SLC38A1: variants seen among roughly 807,000 people sequenced by gnomAD.
SLC38A1 encodes the protein sodium-coupled neutral amino acid symporter 1.
SLC38A1 carries 18 observed loss-of-function variants against 60.3 expected under a neutral mutation model. That is an observed-to-expected ratio of 0.30 (90% CI 0.21 to 0.44). The LOEUF (loss-of-function observed/expected upper bound fraction) is 0.44. Ranked by LOEUF, SLC38A1 falls within the 20% of genes least tolerant of loss-of-function variation. The pLI, the probability that SLC38A1 is intolerant of heterozygous loss-of-function variation, is 1.00. For synonymous variants in SLC38A1, 196 were observed against 212.1 expected, an observed-to-expected ratio of 0.92 and a Z score of 0.66; for missense variants, 448 against 587.2, an observed-to-expected ratio of 0.76 and a Z score of 2.45.
Position 46,268,788 on chromosome 12 carries a change from T to C in SLC38A1, c.-471A>G, listed in dbSNP as rs868305729. The stretch of plus-strand genomic sequence containing the variant: ...GTCCGCGCTCGCCTGGCTCTCCTCC[T>C]TTCCGGGCCGATTGCATCAGAATCT... On this transcript the variant is annotated 5_prime_UTR_variant, in exon 1 of 17. Transcript: ENST00000398637. This position sits in a 1 kb window ranked among gnomAD's most constrained non-coding sequence, Gnocchi z 4.4. 3.8e-5 allele frequency: 15 copies of C among 394,102 alleles called. No homozygotes were observed. The Middle Eastern group carries it at 1.4e-3, about 38-fold the overall frequency. 24.4% of individuals were successfully genotyped at this position (394,102 alleles called of 1,614,324 possible).
At chr12:46,203,957 C>T (rs1939775646) in intron 11 of SLC38A1, among the ~76,000 whole-genome samples, 1 of 152,068 alleles carries the variant, frequency 6.6e-6, no homozygotes, top group South Asian at 2.1e-4. Flanking sequence ...AACTGTGCAA[C>T]CTGAGGAAGT....
Position 46,197,805 on chromosome 12 carries a change from G to C in SLC38A1, c.1277C>G (p.Ala426Gly). Residue 426 changes from alanine (A) to glycine (G), a missense_variant, in exon 16 of 17, where the codon GCT (alanine) becomes GGT (glycine). By Grantham distance (60) the Ala-to-Gly change is moderately conservative. Around this residue, in one of 2 missense-constraint regions of SLC38A1, gnomAD observed 346 missense variants for 497.5 expected, o/e 0.70. Coordinates refer to ENST00000398637, the MANE Select transcript of SLC38A1 (RefSeq NM_030674.4). ...DIFGVVGVTSANMLIFILPSS... is the reference protein window; with the variant it reads ...DIFGVVGVTSGNMLIFILPSS... ...AGGAAGAATGAAAATAAGCATGTTAGCAGATGTAACTCCTGTAAAATAAGA... is the reference window on the plus strand; with the variant it reads ...AGGAAGAATGAAAATAAGCATGTTACCAGATGTAACTCCTGTAAAATAAGA... The C allele has an allele frequency of 6.2e-7, 1 of 1,601,644 alleles. No individual in the cohort carries two copies. Among genetic ancestry groups the C allele is most frequent in the Non-Finnish European group, 8.5e-7 (1 of 1,175,794 alleles).
intron 1 of SLC38A1, among the ~76,000 whole-genome samples, chr12:46,252,926 G>T (rs1269563400): frequency 1.3e-5 from 2 of 149,224 alleles, no homozygotes; most frequent in Non-Finnish European, 3.0e-5. Flanking sequence ...GGACATAATG[G>T]TAAGTAAAAC....
In SLC38A1 at chr12:46,186,526, G is replaced by A. The variant is rs1270917782; in HGVS notation, c.*2444C>T. The A allele has an allele frequency of 3.9e-5, 6 of 152,168 alleles. No individual in the cohort carries two copies. The highest frequency in any genetic ancestry group is 3.3e-4 in the Admixed American group (5 of 15,272). 9.4% of individuals were successfully genotyped at this position (152,168 alleles called of 1,614,324 possible). ...AATTAACTATTCTGAATAAGAATAA[G>A]AGCAGTATACTTTACAGCTAATCTC... On this transcript the variant is annotated 3_prime_UTR_variant, in exon 17 of 17. Transcript: ENST00000398637.
intron 1 of SLC38A1, among the ~76,000 whole-genome samples, chr12:46,246,313 T>C (rs1466702848): frequency 6.6e-6 from 1 of 152,162 alleles, no homozygotes; most frequent in Non-Finnish European, 1.5e-5. Flanking sequence ...AAATACTGCG[T>C]TTTTCCAAAG....
chr12:46,212,048 G>T (rs534458338), intron 5 of SLC38A1, among the ~76,000 whole-genome samples: 1 of 152,260 alleles, frequency 6.6e-6, no homozygotes, highest in East Asian at 1.9e-4. Context: ...TAGAAAGAAG[G>T]AATATGTTGT....
chr12:46,199,027 G>A (rs1200692349), intron 13 of SLC38A1, among the ~76,000 whole-genome samples: 6 of 151,810 alleles, frequency 4.0e-5, no homozygotes, highest in Non-Finnish European at 8.8e-5. Context: ...CACTGGGCTC[G>A]AGAATGAAAC....
chr12:46,213,857 T>G (rs1940288362), intron 5 of SLC38A1, among the ~76,000 whole-genome samples: 1 of 152,198 alleles, frequency 6.6e-6, no homozygotes, highest in Non-Finnish European at 1.5e-5. Flanking sequence ...CTATTTACCT[T>G]CAACATCAAA....
chr12:46,200,462 A>G (rs1425324566), intron 13 of SLC38A1, among the ~76,000 whole-genome samples: 1 of 152,114 alleles, frequency 6.6e-6, no homozygotes, highest in East Asian at 1.9e-4. Flanking sequence ...GTCCCCAATT[A>G]TAAAGATAAT....
intron 1 of SLC38A1, among the ~76,000 whole-genome samples, chr12:46,260,691 T>C (rs892302960): frequency 1.3e-5 from 2 of 152,148 alleles, no homozygotes; most frequent in Non-Finnish European, 2.9e-5. Flanking sequence ...TAATGCACCT[T>C]CTCCTTGTCA....
At chr12:46,216,345 T>G (rs1218274040) in intron 5 of SLC38A1, among the ~76,000 whole-genome samples, 3 of 152,162 alleles carry the variant, frequency 2.0e-5, no homozygotes, top group Admixed American at 6.5e-5. Flanking sequence ...AAGAACTTAG[T>G]GTCGCCGTGT....
At chr12:46,261,167 C>T (rs1033258202) in intron 1 of SLC38A1, among the ~76,000 whole-genome samples, 1 of 152,198 alleles carries the variant, frequency 6.6e-6, no homozygotes, top group African/African-American at 2.4e-5. Flanking sequence ...CTTTCAAAGC[C>T]CAGCTTGCTT....
At chr12:46,196,680 T>C (rs1457022059) in intron 16 of SLC38A1, among the ~76,000 whole-genome samples, 1 of 152,114 alleles carries the variant, frequency 6.6e-6, no homozygotes, top group African/African-American at 2.4e-5. Context: ...ACACCTCTCA[T>C]CTGGATCTGT....
chr12:46,198,504 A>G (rs1419449900), intron 14 of SLC38A1, 121 bp downstream of exon 14: 2 of 629,776 alleles, frequency 3.2e-6, no homozygotes, highest in East Asian at 2.8e-5. Flanking sequence ...TCTTTCCCAG[A>G]TGCAGATTCA....
intron 5 of SLC38A1, among the ~76,000 whole-genome samples, chr12:46,218,605 A>T (rs748809105): frequency 6.6e-6 from 1 of 152,114 alleles, no homozygotes; most frequent in African/African-American, 2.4e-5. Context: ...TAGTCGCCCA[A>T]TGGGTTCACC....
chr12:46,198,102 A>G (rs1332006819), intron 14 of SLC38A1, 42 bp from the exon 15 acceptor site: 1 of 1,600,508 alleles, frequency 6.2e-7, no homozygotes, highest in African/African-American at 1.3e-5. Context: ...TGCCTACAGC[A>G]TGCCAACATT....
chr12:46,228,452 G>T (rs1160850414), intron 5 of SLC38A1, among the ~76,000 whole-genome samples: 4 of 152,104 alleles, frequency 2.6e-5, no homozygotes, highest in African/African-American at 9.7e-5. Context: ...CAAGATCCTC[G>T]GAGAAGTGCT....
intron 5 of SLC38A1, among the ~76,000 whole-genome samples, chr12:46,218,999 G>A (rs752689611): frequency 2.6e-5 from 4 of 152,128 alleles, no homozygotes; most frequent in African/African-American, 7.2e-5. Flanking sequence ...ATGTTACCCC[G>A]AGGAGCAATT....
chr12:46,236,276 AG>A (rs747478938), intron 3 of SLC38A1, among the ~76,000 whole-genome samples: 163 of 152,298 alleles, frequency 1.1e-3, no homozygotes, highest in Non-Finnish European at 6.9e-4. Context: ...AATGACCTTG[AG>A]CAGTAGGATA....
Sources: gnomAD v4.1 joint callset for allele counts (sites outside exome capture counted in the v4.1 genomes callset) on GRCh38, gnomAD v4.1.1 for gene constraint, gnomAD v4.1.1 regional missense constraint, Gnocchi (gnomAD v3.1) non-coding constraint, MANE v1.5 for transcripts, NCBI Gene and HGNC (gene_info 2026-07-23, HGNC 2026-07-21) for gene names.